PBXIP1: variants seen among roughly 807,000 people sequenced by gnomAD.
The protein encoded by PBXIP1 is PBX homeobox interacting protein 1.
PBXIP1 carries 73 observed loss-of-function variants against 73.7 expected under a neutral mutation model. That is an observed-to-expected ratio of 0.99 (90% confidence interval 0.82 to 1.20). The LOEUF (loss-of-function observed/expected upper bound fraction) is 1.20. Among genes scored for constraint, PBXIP1 ranks in the 50% most tolerant of loss-of-function variants. PBXIP1 has a pLI of 0.00. For synonymous variants in PBXIP1, 330 were observed against 366.9 expected (o/e 0.90, Z 1.15); for missense variants, 818 against 911.4 (o/e 0.90, Z 1.32).
rs1406084124 is a variant in PBXIP1 at position 154,947,453 on chromosome 1, C to T, written c.834G>A (p.Glu278=). 1 of 1,614,100 alleles carries T rather than the reference C, an allele frequency of 6.2e-7. No homozygotes were observed. The highest frequency in any genetic ancestry group is 1.1e-5 in the South Asian group (1 of 91,084). ...CCTGCAGCAGCCGGATGTCCTGGTT[C>T]TCCTTGGCCAGCTTGTCCAGCAGAA... ...MGLLLDKLAK[E]NQDIRLLQAQ... The change falls in exon 9 of 11, where the codon GAG becomes GAA. Residue 278 remains glutamate, a synonymous_variant. Transcript: ENST00000368463.
In PBXIP1 at chr1:154,946,527, G is replaced by A. The variant is rs755292794; in HGVS notation, c.1147C>T (p.Gln383Ter). 1.2e-6 allele frequency: 2 copies of A among 1,611,170 alleles called. No individual in the cohort carries two copies. Among genetic ancestry groups the A allele is most frequent in the Non-Finnish European group, 1.7e-6 (2 of 1,180,026 alleles). Residue 383 changes from glutamine to a stop codon, truncating the protein, a stop_gained, in exon 10 of 11, where the codon CAG (glutamine) becomes TAG (stop). Coordinates refer to ENST00000368463, the MANE Select transcript of PBXIP1 (RefSeq NM_020524.4). LOFTEE classifies it high-confidence loss of function. ...GCCTCAGCCTCCAGCTGTTCCTTCTGCTTCAGGAAGCTGAGTTCTGGCTCC... is the reference window on the plus strand; with the variant it reads ...GCCTCAGCCTCCAGCTGTTCCTTCTACTTCAGGAAGCTGAGTTCTGGCTCC... ...EQEPELSFLK[Q>*]KEQLEAEAQA... is the part of the protein sequence containing the mutation.
chr1:154,947,779 C>G (rs901585953), intron 7 of PBXIP1, 67 bp from the exon 8 acceptor site: 1 of 1,526,678 alleles, frequency 6.6e-7, no homozygotes, highest in Non-Finnish European at 9.0e-7. Context: ...CACACCTTCC[C>G]ATTCACACAG....
chr1:154,954,120 T>G (rs1384244313), intron 1 of PBXIP1, among the ~76,000 whole-genome samples: 1 of 152,170 alleles, frequency 6.6e-6, no homozygotes, highest in African/African-American at 2.4e-5. Flanking sequence ...AGACTCAACT[T>G]GCCAATAAGA....
chr1:154,951,439 C>T lies in PBXIP1; in HGVS notation c.243+32G>A, dbSNP rs1444337256. On this transcript the variant is annotated intron_variant, in intron 4 of 10. Coordinates refer to ENST00000368463, the MANE Select transcript of PBXIP1 (RefSeq NM_020524.4). The surrounding 1 kb of genome is among the most constrained non-coding windows in gnomAD (Gnocchi z 4.3). Reference sequence around the variant, plus strand: ...AGTGAGCAGCTGCTAGCCCTCCCCGCCTCCCTTCCTTCCCACAGCAAATCT... The same window carrying T: ...AGTGAGCAGCTGCTAGCCCTCCCCGTCTCCCTTCCTTCCCACAGCAAATCT... 74 of 1,613,970 alleles carry T rather than the reference C, an allele frequency of 4.6e-5. No individual in the cohort carries two copies. Among genetic ancestry groups the T allele is most frequent in the African/African-American group, 8.0e-5 (6 of 74,910 alleles).
chr1:154,947,469 T>A lies in PBXIP1; in HGVS notation c.818A>T (p.Asp273Val). Residue 273 changes from aspartate to valine, a missense_variant, in exon 9 of 11, where the codon GAC (aspartate) becomes GTC (valine). Physicochemically the swap from Asp to Val is radical, Grantham distance 152. Coordinates refer to ENST00000368463, the MANE Select transcript of PBXIP1 (RefSeq NM_020524.4). ...GTCCTGGTTCTCCTTGGCCAGCTTG[T>A]CCAGCAGAAGACCCATGTTTTGCAG... ...PSLQNMGLLL[D>V]KLAKENQDIR... 1 of 1,613,910 alleles carries A rather than the reference T, an allele frequency of 6.2e-7. No individual in the cohort carries two copies. The highest frequency in any genetic ancestry group is 8.5e-7 in the Non-Finnish European group (1 of 1,179,926).
chr1:154,946,889 A>G, intron 9 of PBXIP1, 86 bp from the exon 10 acceptor site: 1 of 1,355,246 alleles, frequency 7.4e-7, no homozygotes, highest in Admixed American at 2.5e-5. Context: ...CCATTCTATT[A>G]TAGTGGGCAG....
In PBXIP1 at chr1:154,946,459, C is replaced by A. The variant is rs1195774747; in HGVS notation, c.1215G>T (p.Leu405=). The part of the protein sequence containing the change: ...RQELERQRRL[L]GSVQQDLERS... ...TCTCCAGATCCTGCTGTACAGACCCCAGCAGCCGTCGCTGCCTCTCTAACT... is the reference window on the plus strand; with the variant it reads ...TCTCCAGATCCTGCTGTACAGACCCAAGCAGCCGTCGCTGCCTCTCTAACT... The change falls in exon 10 of 11, where the codon CTG becomes CTT. Residue 405 remains leucine, a synonymous_variant. Coordinates refer to ENST00000368463, the MANE Select transcript of PBXIP1 (RefSeq NM_020524.4). The A allele has an allele frequency of 2.5e-6, 4 of 1,608,382 alleles. No homozygotes were observed. In the African/African-American group the frequency reaches 5.3e-5, roughly 21 times the overall value.
chr1:154,948,052 G>A (rs1654887545), intron 6 of PBXIP1, 47 bp from the exon 7 acceptor site: 5 of 1,600,744 alleles, frequency 3.1e-6, no homozygotes, highest in Non-Finnish European at 4.3e-6. Context: ...GGGGAGGGGT[G>A]ATGTGAGGTA....
chr1:154,948,538 G>A (rs1654911195), intron 5 of PBXIP1, 172 bp from the exon 6 acceptor site: 3 of 581,184 alleles, frequency 5.2e-6, no homozygotes, highest in Admixed American at 6.5e-5. Context: ...ATTGATGACT[G>A]TCCCTGCCCA....
chr1:154,955,143 C>G lies in PBXIP1; in HGVS notation c.-37+926G>C, dbSNP rs143341571. Reference sequence around the variant, plus strand: ...CAGGAGAATGGCTGCAATGACCTCCCTGTACCAAATCCAACAGGACACCCT... The same window carrying G: ...CAGGAGAATGGCTGCAATGACCTCCGTGTACCAAATCCAACAGGACACCCT... On this transcript the variant is annotated intron_variant, in intron 1 of 10. Transcript: ENST00000368463. Among the ~76,000 whole-genome samples, 7 of 152,304 alleles carry G rather than the reference C, an allele frequency of 4.6e-5. No homozygotes were observed. In the East Asian group the frequency reaches 9.7e-4, roughly 21 times the overall value.
intron 7 of PBXIP1, 44 bp downstream of exon 7, chr1:154,947,923 CCACAGAACCAGAGAA>C: frequency 1.9e-6 from 3 of 1,573,016 alleles, no homozygotes; most frequent in Admixed American, 3.3e-5. Context: ...TACTCCTGAC[CCACAGAACCAGAGAA>C]CACATACAAC....
chr1:154,955,848 T>C (rs1655161481), intron 1 of PBXIP1, among the ~76,000 whole-genome samples: 1 of 152,240 alleles, frequency 6.6e-6, no homozygotes, highest in South Asian at 2.1e-4. Context: ...TAAACTCCTC[T>C]AACAGTTGCT....
At position 154,944,989 on chromosome 1, in the gene PBXIP1, G is replaced by T. The variant is rs1310224710; in HGVS notation, c.*35C>A. 1 of 1,557,736 alleles carries T rather than the reference G, an allele frequency of 6.4e-7. No homozygotes were observed. Among genetic ancestry groups the T allele is most frequent in the Non-Finnish European group, 8.9e-7 (1 of 1,129,436 alleles). On this transcript the variant is annotated 3_prime_UTR_variant, in exon 11 of 11. Coordinates refer to ENST00000368463, the MANE Select transcript of PBXIP1 (RefSeq NM_020524.4). ...TAGATAACGCTGGGATCTTGGGCTG[G>T]GCCAGGCCAAGGCCATTCCCTGTGG...
At position 154,945,558 on chromosome 1, in the gene PBXIP1, C is replaced by T. The variant is rs1410354269; in HGVS notation, c.2102+14G>A. ...CTCTGTCCCACCCGACCCAACTCCCCCACAGCTGCCCACCTCTTCTTCAGT... is the reference window on the plus strand; with the variant it reads ...CTCTGTCCCACCCGACCCAACTCCCTCACAGCTGCCCACCTCTTCTTCAGT... On this transcript the variant is annotated intron_variant, in intron 10 of 10. Coordinates refer to ENST00000368463, the MANE Select transcript of PBXIP1 (RefSeq NM_020524.4). 2 of 1,605,644 alleles carry T rather than the reference C, an allele frequency of 1.2e-6. No individual in the cohort carries two copies. Among genetic ancestry groups the T allele is most frequent in the Admixed American group, 1.7e-5 (1 of 59,774 alleles).
At chr1:154,953,996 A>C (rs1388973092) in intron 1 of PBXIP1, among the ~76,000 whole-genome samples, 1 of 152,210 alleles carries the variant, frequency 6.6e-6, no homozygotes, top group African/African-American at 2.4e-5. Context: ...AGGGCCTTGG[A>C]AAACTGAACT....
intron 1 of PBXIP1, chr1:154,954,959 G>A (rs903711643): frequency 1.4e-5 from 14 of 984,738 alleles, no homozygotes; most frequent in African/African-American, 1.7e-5. Flanking sequence ...TTCTACCTTT[G>A]AAACCAACCA....
chr1:154,953,563 G>A, intron 2 of PBXIP1, 108 bp downstream of exon 2: 1 of 680,280 alleles, frequency 1.5e-6, no homozygotes. Context: ...AGGAAGTGAT[G>A]TAGGTGACCA....
Position 154,951,944 on chromosome 1 carries a change from A to T in PBXIP1, c.52-23T>A. 1.3e-6 allele frequency: 2 copies of T among 1,595,962 alleles called. No homozygotes were observed. The highest frequency in any genetic ancestry group is 1.7e-6 in the Non-Finnish European group (2 of 1,174,882). The stretch of plus-strand genomic sequence containing the variant: ...GCTCTGGGAGGAGAAGTGCAAGGAG[A>T]AGGGCTGCACCCAAGAATGGGGCCC... On this transcript the variant is annotated intron_variant, in intron 2 of 10. Transcript: ENST00000368463. This position sits in a 1 kb window ranked among gnomAD's most constrained non-coding sequence, Gnocchi z 4.3.
chr1:154,946,222 G>A lies in PBXIP1; in HGVS notation c.1452C>T (p.Asp484=). ...TATGTTTCCAGTGCTCAGCCTTCCG[G>A]TCTCTCTGCCCATCCCACCACTTTT... ...GKEKWWDGQR[D]RKAEHWKHKK... Residue 484 remains aspartate, a synonymous_variant, in exon 10 of 11, where the codon GAC becomes GAT. Transcript: ENST00000368463. 6.2e-7 allele frequency: 1 copy of A among 1,613,986 alleles called. No homozygotes were observed. The highest frequency in any genetic ancestry group is 8.5e-7 in the Non-Finnish European group (1 of 1,180,016).
Sources: gnomAD v4.1 joint callset for allele counts (sites outside exome capture counted in the v4.1 genomes callset) on GRCh38, gnomAD v4.1.1 for gene constraint, Gnocchi (gnomAD v3.1) non-coding constraint, MANE v1.5 for transcripts, NCBI Gene and HGNC (gene_info 2026-07-23, HGNC 2026-07-21) for gene names.